The following AAK1 variants were observed in gnomAD, a reference collection of about 807,000 sequenced individuals.
AAK1 encodes AP2 associated kinase 1.
A neutral mutation model predicts 116.0 loss-of-function variants in AAK1; 37 were observed. The observed-to-expected ratio is 0.32, with a 90% CI of 0.25 to 0.42. The LOEUF (loss-of-function observed/expected upper bound fraction) is 0.42, where lower values mean the gene tolerates loss of function less well. Among genes scored for constraint, AAK1 ranks in the 10% least tolerant of loss-of-function variants. The pLI, the probability that AAK1 is intolerant of heterozygous loss-of-function variation, is 1.00. For missense variants in AAK1, 919 were observed against 1,170.6 expected, an observed-to-expected ratio of 0.79 and a Z score of 3.14; for synonymous variants, 458 against 439.9, an observed-to-expected ratio of 1.04 and a Z score of -0.51.
At chr2:69,585,694 G>T (rs1461363097) in intron 2 of AAK1, among the ~76,000 whole-genome samples, 1 of 152,130 alleles carries the variant, frequency 6.6e-6, no homozygotes, top group Non-Finnish European at 1.5e-5. Context: ...TACCCAAAAA[G>T]TATGTTTGGA....
Position 69,475,773 on chromosome 2 carries a change from G to T in AAK1, c.*96C>A, listed in dbSNP as rs1422950423. On this transcript the variant is annotated 3_prime_UTR_variant, in exon 22 of 22. Coordinates refer to ENST00000409085, the MANE Select transcript of AAK1 (RefSeq NM_014911.5). The stretch of plus-strand genomic sequence containing the variant: ...AGGGCTGGAGGGCCCCTTATTTGCA[G>T]ATTTTTTTAAAAAAATCATTTTTTT... 78 of 1,498,066 alleles carry T rather than the reference G, an allele frequency of 5.2e-5. 1 individual carries two copies. Among genetic ancestry groups the T allele is most frequent in the Non-Finnish European group, 9.0e-6 (10 of 1,114,602 alleles). 92.8% of individuals were successfully genotyped at this position (1,498,066 alleles called of 1,614,324 possible). A position where few individuals can be genotyped will look rare whatever the true frequency, so the allele number is the denominator to read the frequency against.
intron 2 of AAK1, among the ~76,000 whole-genome samples, chr2:69,578,593 G>A (rs150158670): frequency 2.6e-5 from 4 of 152,086 alleles, no homozygotes; most frequent in African/African-American, 9.6e-5. Flanking sequence ...ACACTCTGAA[G>A]TCCTAAAACG....
chr2:69,550,268 C>T (rs1012486868), intron 3 of AAK1, among the ~76,000 whole-genome samples: 7 of 152,166 alleles, frequency 4.6e-5, no homozygotes, highest in African/African-American at 1.4e-4. Flanking sequence ...CTCTCTGGAC[C>T]TCTGCTTACT....
At chr2:69,528,468 T>C (rs542751254) in intron 8 of AAK1, among the ~76,000 whole-genome samples, 1 of 152,316 alleles carries the variant, frequency 6.6e-6, no homozygotes, top group South Asian at 2.1e-4. Flanking sequence ...GTGACAGTGA[T>C]GTTCATATAA....
chr2:69,489,842 A>G (rs1675450471), intron 17 of AAK1, among the ~76,000 whole-genome samples: 1 of 152,194 alleles, frequency 6.6e-6, no homozygotes, highest in Admixed American at 6.5e-5. Flanking sequence ...CCCCATTCCA[A>G]GTTCATTTTA....
In AAK1 at chr2:69,475,590, A is replaced by G; in HGVS notation, c.*279T>C. ...GTTGATTCCAGCAGAGGTGAAGCTC[A>G]TGGCATCTAGTGCTTGATTTAAGAT... On this transcript the variant is annotated 3_prime_UTR_variant, in exon 22 of 22. Coordinates refer to ENST00000409085, the MANE Select transcript of AAK1 (RefSeq NM_014911.5). 8.6e-7 allele frequency: 1 copy of G among 1,166,712 alleles called. No individual in the cohort carries two copies. Among genetic ancestry groups the G allele is most frequent in the Non-Finnish European group, 1.1e-6 (1 of 942,098 alleles). The allele number at this position is 1,166,712 out of a possible 1,614,324, so 72.3% of individuals were successfully genotyped here.
chr2:69,522,115 A>G (rs1311030212), intron 10 of AAK1, among the ~76,000 whole-genome samples: 1 of 152,218 alleles, frequency 6.6e-6, no homozygotes, highest in Non-Finnish European at 1.5e-5. Context: ...ACTTCCACTC[A>G]TTTACAGTAG....
chr2:69,629,120 C>A (rs1675047000), intron 2 of AAK1, among the ~76,000 whole-genome samples: 1 of 152,222 alleles, frequency 6.6e-6, no homozygotes, highest in Non-Finnish European at 1.5e-5. Flanking sequence ...TCCCCATCTT[C>A]TTTGAGGTTC....
At position 69,604,636 on chromosome 2, in the gene AAK1, G is replaced by A. The variant is rs568330425; in HGVS notation, c.163+38242C>T. Among the ~76,000 whole-genome samples, 5 of 152,304 alleles carry A rather than the reference G, an allele frequency of 3.3e-5. No individual in the cohort carries two copies. The East Asian group carries it at 9.7e-4, about 29-fold the overall frequency. On this transcript the variant is annotated intron_variant, in intron 2 of 21. Transcript: ENST00000409085. ...CAGGGGTGGGATTTCACAGGATGGA[G>A]AAGGAACAGAGGGACACTCCAGGCT...
intron 5 of AAK1, among the ~76,000 whole-genome samples, chr2:69,537,813 T>C (rs1018546329): frequency 6.6e-6 from 1 of 152,194 alleles, no homozygotes; most frequent in Non-Finnish European, 1.5e-5. Flanking sequence ...TGAAAGCATC[T>C]AGATGGCATC....
In AAK1 at chr2:69,468,481, C is replaced by G. The variant is rs979261873; in HGVS notation, c.*7388G>C. The stretch of plus-strand genomic sequence containing the variant: ...AACAAAAGCACAATTTCTCATCTTC[C>G]AAAACTACCTTGAAAGTTGATGTTA... On this transcript the variant is annotated 3_prime_UTR_variant, in exon 22 of 22. Coordinates refer to ENST00000409085, the MANE Select transcript of AAK1 (RefSeq NM_014911.5). 18 of 985,226 alleles carry G rather than the reference C, an allele frequency of 1.8e-5. No homozygotes were observed. The highest frequency in any genetic ancestry group is 7.2e-6 in the Non-Finnish European group (6 of 829,922). 61.0% of individuals were successfully genotyped at this position (985,226 alleles called of 1,614,324 possible). A position where few individuals can be genotyped will look rare whatever the true frequency, so the allele number is the denominator to read the frequency against.
rs149548434 is a variant in AAK1, at chr2:69,493,036, G to C, written c.2365+2949C>G. Among the ~76,000 whole-genome samples the C allele has an allele frequency of 5.5e-3, 835 of 151,394 alleles. 9 individuals carry two copies. Among genetic ancestry groups the C allele is most frequent in the African/African-American group, 0.019 (800 of 41,330 alleles). On this transcript the variant is annotated intron_variant, in intron 17 of 21. Transcript: ENST00000409085. ...CTTTCCTCACTCAATATTCAAAAAT[G>C]TTAAAAAAGGATGCAGTAAGGCTGA...
In AAK1 at chr2:69,468,502, T is replaced by C. The variant is rs925128833; in HGVS notation, c.*7367A>G. 14 of 985,326 alleles carry C rather than the reference T, an allele frequency of 1.4e-5. No individual in the cohort carries two copies. The highest frequency in any genetic ancestry group is 1.7e-5 in the Non-Finnish European group (14 of 829,934). The allele number at this position is 985,326 out of a possible 1,614,324, so 61.0% of individuals were successfully genotyped here. ...CTTCCAAAACTACCTTGAAAGTTGATGTTATTAAGCTTGTTCTGCAGGAGA... is the reference window on the plus strand; with the variant it reads ...CTTCCAAAACTACCTTGAAAGTTGACGTTATTAAGCTTGTTCTGCAGGAGA... On this transcript the variant is annotated 3_prime_UTR_variant, in exon 22 of 22. Coordinates refer to ENST00000409085, the MANE Select transcript of AAK1 (RefSeq NM_014911.5).
intron 2 of AAK1, among the ~76,000 whole-genome samples, chr2:69,568,696 T>C (rs77145126): frequency 0.022 from 3,378 of 152,196 alleles, 134 homozygotes; most frequent in African/African-American, 0.077. Context: ...CACAACTACT[T>C]TTTCCAGGTC....
intron 3 of AAK1, among the ~76,000 whole-genome samples, chr2:69,550,074 T>TAGC (rs1671111767): frequency 1.3e-5 from 2 of 152,226 alleles, no homozygotes; most frequent in South Asian, 4.1e-4. Flanking sequence ...TTATAACCAG[T>TAGC]AGCAATCCAG....
chr2:69,573,578 T>A (rs1363935477), intron 2 of AAK1, among the ~76,000 whole-genome samples: 2 of 152,242 alleles, frequency 1.3e-5, no homozygotes, highest in Admixed American at 6.5e-5. Flanking sequence ...GAATGTTGGC[T>A]GGCGTGTGCC....
rs1674577463 is a variant in AAK1 at position 69,468,776 on chromosome 2, G to A, written c.*7093C>T. The A allele has an allele frequency of 1.0e-6, 1 of 985,294 alleles. No individual in the cohort carries two copies. The highest frequency in any genetic ancestry group is 1.2e-6 in the Non-Finnish European group (1 of 829,940). 61.0% of individuals were successfully genotyped at this position (985,294 alleles called of 1,614,324 possible). On this transcript the variant is annotated 3_prime_UTR_variant, in exon 22 of 22. Transcript: ENST00000409085. ...ATTTTGAGAACTAGGAAGTACCAAG[G>A]GGTGTGTGTATGTGCCCATATTCAG...
At chr2:69,602,525 A>C (rs1369453520) in intron 2 of AAK1, among the ~76,000 whole-genome samples, 1 of 152,244 alleles carries the variant, frequency 6.6e-6, no homozygotes, top group Non-Finnish European at 1.5e-5. Flanking sequence ...ACCATCGGTG[A>C]ATCTGGGTGA....
At chr2:69,621,822 C>T (rs1674643270) in intron 2 of AAK1, among the ~76,000 whole-genome samples, 2 of 152,232 alleles carry the variant, frequency 1.3e-5, no homozygotes, top group Admixed American at 1.3e-4. Flanking sequence ...GGCACTCAAA[C>T]TGAAAGCCTG....
Sources: gnomAD v4.1 joint callset for allele counts (sites outside exome capture counted in the v4.1 genomes callset) on GRCh38, gnomAD v4.1.1 for gene constraint, MANE v1.5 for transcripts, NCBI Gene and HGNC (gene_info 2026-07-23, HGNC 2026-07-21) for gene names.